Variants in MTREX observed in about 807,000 individuals in gnomAD.
MTREX encodes the protein exosome RNA helicase MTR4.
Under a neutral mutation model 135.4 loss-of-function variants are expected in MTREX, and 76 were observed. The observed-to-expected ratio is 0.56, with a 90% CI of 0.47 to 0.68. MTREX has a LOEUF of 0.68. Ranked by LOEUF, MTREX falls within the 30% of genes least tolerant of loss-of-function variation. The probability of loss-of-function intolerance (pLI) is 0.00; values close to 1 mark genes in which losing one functional copy is unlikely to be tolerated. For synonymous variants in MTREX, 404 were observed against 401.6 expected, an observed-to-expected ratio of 1.01 and a Z score of -0.07; for missense variants, 920 against 1,262.1, an observed-to-expected ratio of 0.73 and a Z score of 4.11.
chr5:55,316,477 A>C (rs1224309349), intron 1 of MTREX, among the ~76,000 whole-genome samples: 1 of 152,190 alleles, frequency 6.6e-6, no homozygotes, highest in Non-Finnish European at 1.5e-5. Flanking sequence ...GGTTGGTTCA[A>C]CATGCAAATA....
At chr5:55,417,721 C>T (rs941685592) in intron 25 of MTREX, among the ~76,000 whole-genome samples, 1 of 152,096 alleles carries the variant, frequency 6.6e-6, no homozygotes, top group Non-Finnish European at 1.5e-5. Flanking sequence ...ACATAGAGCA[C>T]CACCAGTCTT....
At chr5:55,376,048 A>G (rs962697000) in intron 16 of MTREX, among the ~76,000 whole-genome samples, 4 of 152,234 alleles carry the variant, frequency 2.6e-5, no homozygotes, top group Non-Finnish European at 4.4e-5. Context: ...TCCAAAATTT[A>G]CTATAGTGGA....
At chr5:55,343,554 T>A in intron 8 of MTREX, 99 bp downstream of exon 8, 1 of 1,042,806 alleles carries the variant, frequency 9.6e-7, no homozygotes, top group Admixed American at 2.6e-5. Context: ...TTGTCCAGAA[T>A]AATAAAAAAA....
intron 26 of MTREX, chr5:55,423,205 C>T: frequency 1.9e-6 from 1 of 523,456 alleles, no homozygotes; most frequent in South Asian, 2.8e-5. Flanking sequence ...AACTACATGC[C>T]AGGCATTGTT....
intron 15 of MTREX, among the ~76,000 whole-genome samples, chr5:55,363,235 A>G (rs903849217): frequency 6.6e-6 from 1 of 152,204 alleles, no homozygotes; most frequent in African/African-American, 2.4e-5. Flanking sequence ...GAAGACTCAC[A>G]TTTATTTATT....
intron 5 of MTREX, among the ~76,000 whole-genome samples, chr5:55,330,565 A>G (rs1440933195): frequency 2.0e-5 from 3 of 150,116 alleles, no homozygotes; most frequent in Non-Finnish European, 4.4e-5. Flanking sequence ...TACTTCGTTT[A>G]TCTGATTACT....
At chr5:55,399,168 G>C (rs1302447735) in intron 20 of MTREX, among the ~76,000 whole-genome samples, 2 of 152,138 alleles carry the variant, frequency 1.3e-5, no homozygotes, top group East Asian at 3.9e-4. Flanking sequence ...CATATATCCT[G>C]AAACTGTACC....
chr5:55,326,393 C>T (rs1418329764), intron 3 of MTREX, among the ~76,000 whole-genome samples: 2 of 151,972 alleles, frequency 1.3e-5, no homozygotes. Context: ...GAGTGAGACT[C>T]TGTCTCAAAA....
At chr5:55,402,836 G>GTGTA (rs1561209706) in intron 21 of MTREX, among the ~76,000 whole-genome samples, 2 of 94,602 alleles carry the variant, frequency 2.1e-5, no homozygotes, top group African/African-American at 8.2e-5. Context: ...GTGTGTGTGT[G>GTGTA]TGTGTATGTG....
intron 5 of MTREX, among the ~76,000 whole-genome samples, chr5:55,335,730 CACTTCCAGGTCTTTTGT>C (rs1340442060): frequency 1.3e-5 from 2 of 152,036 alleles, no homozygotes; most frequent in Non-Finnish European, 2.9e-5. Flanking sequence ...AAAAACTGGG[CACTTCCAGGTCTTTTGT>C]ATTTCCAATA....
chr5:55,376,472 A>C (rs1750302513), intron 16 of MTREX, among the ~76,000 whole-genome samples: 1 of 152,214 alleles, frequency 6.6e-6, no homozygotes, highest in African/African-American at 2.4e-5. Flanking sequence ...AGCCGTTTGA[A>C]TGGATTGGTG....
rs1056171981 is a variant in MTREX, at chr5:55,313,369, A to AG, written c.134+5224dup. Among the ~76,000 whole-genome samples, 12 of 151,822 alleles carry AG rather than the reference A, an allele frequency of 7.9e-5. 1 individual carries two copies. Among genetic ancestry groups the AG allele is most frequent in the African/African-American group, 2.9e-4 (12 of 41,290 alleles). Reference sequence around the variant, plus strand: ...GTTGGAGGATTGCTTTAGCTCTGGGAGGTTGAGGCTGCAGGGAGCTGTGAT... The same window carrying AG: ...GTTGGAGGATTGCTTTAGCTCTGGGAGGGTTGAGGCTGCAGGGAGCTGTGAT... On this transcript the variant is annotated intron_variant, in intron 1 of 26. Coordinates refer to ENST00000230640, the MANE Select transcript of MTREX (RefSeq NM_015360.5).
chr5:55,323,502 ATC>A (rs2112032916), intron 2 of MTREX, among the ~76,000 whole-genome samples: 1 of 152,140 alleles, frequency 6.6e-6, no homozygotes, highest in South Asian at 2.1e-4. Context: ...GCTCACTGCC[ATC>A]TCAGCCTCCC....
chr5:55,378,625 C>G (rs1750345303), intron 17 of MTREX, 139 bp downstream of exon 17: 3 of 1,050,282 alleles, frequency 2.9e-6, no homozygotes, highest in African/African-American at 1.7e-5. Flanking sequence ...TATTATTTTA[C>G]CTGTTTCACA....
chr5:55,354,057 T>C (rs1188227205), intron 14 of MTREX, among the ~76,000 whole-genome samples: 1 of 152,058 alleles, frequency 6.6e-6, no homozygotes, highest in Non-Finnish European at 1.5e-5. Context: ...AAAAAGCAAA[T>C]CCTTAATCCC....
intron 4 of MTREX, among the ~76,000 whole-genome samples, 171 bp downstream of exon 4, chr5:55,327,949 G>A (rs897947396): frequency 1.3e-5 from 2 of 152,040 alleles, no homozygotes; most frequent in African/African-American, 2.4e-5. Flanking sequence ...CAACTATGCT[G>A]GAAACCAGCC....
chr5:55,331,706 G>T (rs535526853), intron 5 of MTREX, among the ~76,000 whole-genome samples: 1 of 152,242 alleles, frequency 6.6e-6, no homozygotes, highest in Admixed American at 6.5e-5. Context: ...CAGCTGCCCT[G>T]GCCTTCACAG....
At position 55,387,880 on chromosome 5, in the gene MTREX, A is replaced by G. The variant is rs1256374347; in HGVS notation, c.2053-94A>G. ...CACAGTTTGTGTCAGTCATAATGCT[A>G]AATGCTGAGAAAATAGTTCCTATAC... On this transcript the variant is annotated intron_variant, in intron 18 of 26. Transcript: ENST00000230640. The G allele has an allele frequency of 8.9e-6, 11 of 1,236,254 alleles. No individual in the cohort carries two copies. The East Asian group carries it at 2.0e-4, about 22-fold the overall frequency. The allele number at this position is 1,236,254 out of a possible 1,614,324, so 76.6% of individuals were successfully genotyped here.
intron 21 of MTREX, among the ~76,000 whole-genome samples, chr5:55,401,232 G>A (rs572619114): frequency 2.0e-5 from 3 of 152,006 alleles, no homozygotes; most frequent in Non-Finnish European, 2.9e-5. Flanking sequence ...ACGGGGTTTC[G>A]CCATGTTGGC....
Sources: gnomAD v4.1 joint callset for allele counts (sites outside exome capture counted in the v4.1 genomes callset) on GRCh38, gnomAD v4.1.1 for gene constraint, MANE v1.5 for transcripts, NCBI Gene and HGNC (gene_info 2026-07-23, HGNC 2026-07-21) for gene names.